DPP6: variants seen among roughly 807,000 people sequenced by gnomAD.
The protein encoded by DPP6 is dipeptidyl peptidase like 6, also known as A-type potassium channel modulatory protein DPP6.
Under a neutral mutation model 122.6 loss-of-function variants are expected in DPP6, and 69 were observed. The ratio of observed to expected loss-of-function variants is 0.56; its 90% CI spans 0.46 to 0.69. DPP6 has a LOEUF of 0.69. Ranked by LOEUF, DPP6 falls within the 30% of genes least tolerant of loss-of-function variation. The pLI, the probability that DPP6 is intolerant of heterozygous loss-of-function variation, is 0.00. For missense variants in DPP6, 928 were observed against 1,116.9 expected (o/e 0.83, Z 2.41); for synonymous variants, 418 against 433.1 (o/e 0.97, Z 0.43).
chr7:154,814,274 A>T (rs545889157), intron 16 of DPP6, among the ~76,000 whole-genome samples: 6 of 152,250 alleles, frequency 3.9e-5, no homozygotes, highest in South Asian at 4.1e-4. Context: ...AAATATATCT[A>T]CTTAGAATTC....
At chr7:154,236,210 T>C (rs888754611) in intron 1 of DPP6, among the ~76,000 whole-genome samples, 1 of 152,238 alleles carries the variant, frequency 6.6e-6, no homozygotes, top group Admixed American at 6.5e-5. Flanking sequence ...AGGAATGTTG[T>C]TAAATTTAAT....
intron 6 of DPP6, among the ~76,000 whole-genome samples, chr7:154,660,779 A>T (rs1402102053): frequency 5.3e-4 from 5 of 9,508 alleles, no homozygotes; most frequent in Admixed American, 1.5e-3. Context: ...GTCATGGTGA[A>T]TCACCATGGC....
intron 5 of DPP6, among the ~76,000 whole-genome samples, chr7:154,576,999 G>A (rs1033728348): frequency 6.6e-6 from 1 of 152,286 alleles, no homozygotes; most frequent in East Asian, 1.9e-4. Flanking sequence ...CAGTGGAAGG[G>A]TAGAGTGGGG....
At chr7:154,695,720 C>T (rs1046940663) in intron 7 of DPP6, among the ~76,000 whole-genome samples, 2 of 152,084 alleles carry the variant, frequency 1.3e-5, no homozygotes, top group Non-Finnish European at 1.5e-5. Flanking sequence ...AGGTGGCTGG[C>T]GCTGTGTGGA....
intron 6 of DPP6, among the ~76,000 whole-genome samples, chr7:154,638,143 C>T (rs1835845954): frequency 6.6e-6 from 1 of 152,106 alleles, no homozygotes; most frequent in African/African-American, 2.4e-5. Flanking sequence ...TGCAGTTGAC[C>T]CTGGAGGTTC....
At chr7:154,265,006 G>T (rs1803308570) in intron 1 of DPP6, among the ~76,000 whole-genome samples, 2 of 152,206 alleles carry the variant, frequency 1.3e-5, no homozygotes, top group African/African-American at 2.4e-5. Context: ...TGATGATAAT[G>T]ATAGTGATAG....
At chr7:154,823,198 G>T (rs751581400) in intron 16 of DPP6, among the ~76,000 whole-genome samples, 1 of 152,150 alleles carries the variant, frequency 6.6e-6, no homozygotes, top group East Asian at 1.9e-4. Flanking sequence ...ACAAGACCTG[G>T]AACTGTGAAC....
At chr7:154,780,829 G>C (rs1388809802) in intron 10 of DPP6, among the ~76,000 whole-genome samples, 1 of 152,222 alleles carries the variant, frequency 6.6e-6, no homozygotes, top group Non-Finnish European at 1.5e-5. Flanking sequence ...CCATGGGTGG[G>C]TAGGTGGGTG....
intron 1 of DPP6, among the ~76,000 whole-genome samples, chr7:154,411,878 G>A (rs914512971): frequency 6.6e-6 from 1 of 152,092 alleles, no homozygotes. Flanking sequence ...AATTCATCTA[G>A]TTCATCCTCT....
At chr7:154,588,261 C>T (rs1832598857) in intron 5 of DPP6, 4 of 1,120,978 alleles carry the variant, frequency 3.6e-6, no homozygotes, top group South Asian at 3.4e-5. Context: ...ATGGCCTGTT[C>T]TCAGAGATGC....
rs541423336 is a variant in DPP6, at chr7:154,764,240, G to A, written c.884-5177G>A. Among the ~76,000 whole-genome samples, 173 of 152,196 alleles carry A rather than the reference G, an allele frequency of 1.1e-3. 2 individuals are homozygous for A. The highest frequency in any genetic ancestry group is 2.0e-3 in the Non-Finnish European group (138 of 67,998). ...TGAATGGAATTGACCACTCTCGCTC[G>A]GTGGATTTGCTAGAGGAGCTTCATC... On this transcript the variant is annotated intron_variant, in intron 8 of 25. Coordinates refer to ENST00000377770, the MANE Select transcript of DPP6 (RefSeq NM_130797.4).
chr7:154,566,907 T>G lies in DPP6; in HGVS notation c.618T>G (p.Asn206Lys). The change falls in exon 5 of 26, where the codon AAT becomes AAG. Residue 206 changes from asparagine to lysine, a missense_variant. Coordinates refer to ENST00000377770, the MANE Select transcript of DPP6 (RefSeq NM_130797.4). ...GAGAGTATGCACTTTTTTCATACAA[T>G]GTGGAACCCGTGAGTATTATCCTTT... is the stretch of plus-strand genomic sequence containing the variant. Reference protein sequence around the residue: ...PDREYALFSYNVEPIYQHSYT... With the variant: ...PDREYALFSYKVEPIYQHSYT... 1 of 1,605,320 alleles carries G rather than the reference T, an allele frequency of 6.2e-7. No homozygotes were observed. Among genetic ancestry groups the G allele is most frequent in the Non-Finnish European group, 8.5e-7 (1 of 1,173,046 alleles).
At chr7:153,843,188 GCGTGCATACACACA>G in the DPP6 span, among the ~76,000 whole-genome samples, 142 of 150,990 alleles carry the variant, frequency 9.4e-4, 2 homozygotes, top group South Asian at 0.014. Flanking sequence ...GCATACACAC[GCGTGCATACACACA>G]CGTGCACACA....
Position 154,821,645 on chromosome 7 carries a change from T to TATATAC in DPP6, c.1666+14534_1666+14535insTATACA, listed in dbSNP as rs1362252192. ...TTTTTTCTGTATATATATATATATA[T>TATATAC]ACACATATATATATATATACACATA... On this transcript the variant is annotated intron_variant, in intron 16 of 25. Coordinates refer to ENST00000377770, the MANE Select transcript of DPP6 (RefSeq NM_130797.4). This position sits in a 1 kb window ranked among gnomAD's most constrained non-coding sequence, Gnocchi z 4.2. 0.023 allele frequency among the ~76,000 whole-genome samples: 2,685 copies of TATATAC among 115,120 alleles called. 64 individuals are homozygous for TATATAC. Among genetic ancestry groups the TATATAC allele is most frequent in the African/African-American group, 0.071 (1,855 of 26,130 alleles). 75.5% of individuals were successfully genotyped at this position (115,120 alleles called of 152,430 possible). A position where few individuals can be genotyped will look rare whatever the true frequency, so the allele number is the denominator to read the frequency against.
chr7:154,318,943 G>A (rs1453829101), intron 1 of DPP6, among the ~76,000 whole-genome samples: 1 of 152,236 alleles, frequency 6.6e-6, no homozygotes, highest in Non-Finnish European at 1.5e-5. Context: ...TTATGCCCAG[G>A]CATGTGTGTT....
intron 12 of DPP6, among the ~76,000 whole-genome samples, chr7:154,798,595 G>A (rs561834051): frequency 8.1e-4 from 124 of 152,290 alleles, no homozygotes; most frequent in African/African-American, 2.5e-3. Flanking sequence ...GGGATGGAGC[G>A]TCCCTGGGTC....
intron 1 of DPP6, among the ~76,000 whole-genome samples, chr7:154,120,108 G>A (rs1388016263): frequency 6.6e-6 from 1 of 152,112 alleles, no homozygotes; most frequent in Admixed American, 6.5e-5. Flanking sequence ...AACTCTGACT[G>A]ACACATTACC....
In DPP6 at chr7:154,875,475, G is replaced by A. The variant is rs1017442873; in HGVS notation, c.1884-431G>A. Among the ~76,000 whole-genome samples the A allele has an allele frequency of 6.6e-6, 1 of 152,222 alleles. No homozygotes were observed. Among genetic ancestry groups the A allele is most frequent in the Non-Finnish European group, 1.5e-5 (1 of 68,034 alleles). ...ACCACGTCTTCAAGCCAGGGATGTG[G>A]CTAGAGTCAGCGCGGCCTTGTCACT... On this transcript the variant is annotated intron_variant, in intron 19 of 25. Transcript: ENST00000377770. The surrounding 1 kb of genome is among the most constrained non-coding windows in gnomAD (Gnocchi z 4.5).
the DPP6 span, among the ~76,000 whole-genome samples, chr7:153,823,999 T>C: frequency 0.013 from 1,974 of 149,794 alleles, 43 homozygotes; most frequent in African/African-American, 0.047. Flanking sequence ...AAACAAAATG[T>C]GTTTCAGGAG....
Sources: gnomAD v4.1 joint callset for allele counts (sites outside exome capture counted in the v4.1 genomes callset) on GRCh38, gnomAD v4.1.1 for gene constraint, Gnocchi (gnomAD v3.1) non-coding constraint, MANE v1.5 for transcripts, NCBI Gene and HGNC (gene_info 2026-07-23, HGNC 2026-07-21) for gene names.